The following POTEE variants were observed in gnomAD, a reference collection of about 807,000 sequenced individuals.
The protein encoded by POTEE is POTE ankyrin domain family member E, also known as ANKRD26-like family C member 1A.
Under a neutral mutation model 74.2 loss-of-function variants are expected in POTEE, and 21 were observed. That is an observed-to-expected ratio of 0.28 (90% CI 0.20 to 0.41). The LOEUF is 0.41. Among genes scored for constraint, POTEE ranks in the 10% least tolerant of loss-of-function variants. The pLI, the probability that POTEE is intolerant of heterozygous loss-of-function variation, is 1.00. For missense variants in POTEE, 525 were observed against 1,158.6 expected (o/e 0.45, Z 7.94); for synonymous variants, 211 against 432.8 (o/e 0.49, Z 6.36).
intron 9 of POTEE, among the ~76,000 whole-genome samples, chr2:131,235,346 G>C (rs1701094270): frequency 6.6e-6 from 1 of 152,116 alleles, no homozygotes; most frequent in African/African-American, 2.4e-5. Context: ...GGAGCAGACG[G>C]GACAGACATG....
At chr2:131,211,757 A>C in intron 2 of POTEE, among the ~76,000 whole-genome samples, 1 of 150,990 alleles carries the variant, frequency 6.6e-6, no homozygotes, top group East Asian at 2.0e-4. Context: ...GGGGTTTCAC[A>C]GTGTTGGCCA....
At chr2:131,232,742 T>G (rs891751074) in intron 9 of POTEE, among the ~76,000 whole-genome samples, 4 of 151,548 alleles carry the variant, frequency 2.6e-5, no homozygotes, top group South Asian at 2.1e-4. Context: ...GATCCCACTT[T>G]TCCCTCTTTC....
At chr2:131,217,761 C>CCGCACG (rs1270502578) in intron 3 of POTEE, among the ~76,000 whole-genome samples, 78 bp downstream of exon 3, 1,030 of 12,732 alleles carry the variant, frequency 0.081, 23 homozygotes, top group African/African-American at 0.11. Flanking sequence ...ACGCCGCACG[C>CCGCACG]CGCACGCGCA....
intron 13 of POTEE, among the ~76,000 whole-genome samples, chr2:131,248,412 G>C (rs541742599): frequency 2.0e-5 from 3 of 151,998 alleles, no homozygotes; most frequent in East Asian, 3.9e-4. Context: ...TTGCACACTA[G>C]TATTTAACCT....
chr2:131,210,131 A>C (rs867277505), intron 1 of POTEE, among the ~76,000 whole-genome samples: 5 of 140,156 alleles, frequency 3.6e-5, no homozygotes, highest in African/African-American at 1.4e-4. Context: ...GGTTATTTGG[A>C]GCTACAATGC....
At chr2:131,214,257 G>T (rs1466950879) in intron 2 of POTEE, among the ~76,000 whole-genome samples, 1 of 152,256 alleles carries the variant, frequency 6.6e-6, no homozygotes, top group Non-Finnish European at 1.5e-5. Flanking sequence ...GACCTTTTTG[G>T]TTTGGATGGG....
chr2:131,225,647 G>A (rs574041887), intron 6 of POTEE, among the ~76,000 whole-genome samples: 1 of 147,006 alleles, frequency 6.8e-6, no homozygotes, highest in Non-Finnish European at 1.5e-5. Flanking sequence ...GCTCACTGCA[G>A]CCTCGACCTC....
chr2:131,222,908 A>G (rs969293927), intron 4 of POTEE, among the ~76,000 whole-genome samples: 6 of 151,918 alleles, frequency 3.9e-5, no homozygotes, highest in Admixed American at 6.5e-5. Context: ...AACATATTCT[A>G]CTTCATGTAA....
At chr2:131,227,479 A>C (rs1395786632) in intron 7 of POTEE, among the ~76,000 whole-genome samples, 1 of 92,340 alleles carries the variant, frequency 1.1e-5, no homozygotes, top group Non-Finnish European at 2.0e-5. Context: ...TTGTTTTTCC[A>C]GTGTGTTTTG....
At chr2:131,245,891 G>A in intron 13 of POTEE, among the ~76,000 whole-genome samples, 1 of 43,400 alleles carries the variant, frequency 2.3e-5, no homozygotes, top group African/African-American at 5.9e-5. Context: ...ACAGAGTAGA[G>A]GCTGTAATAT....
intron 9 of POTEE, among the ~76,000 whole-genome samples, chr2:131,231,942 G>C (rs1484394169): frequency 6.6e-6 from 1 of 152,108 alleles, no homozygotes; most frequent in Non-Finnish European, 1.5e-5. Context: ...GACAAAGATG[G>C]AATAGATGTA....
intron 4 of POTEE, among the ~76,000 whole-genome samples, chr2:131,223,273 T>C (rs1036599138): frequency 1.3e-4 from 15 of 117,186 alleles, no homozygotes; most frequent in African/African-American, 4.0e-4. Flanking sequence ...AGCTACTATT[T>C]TCATTCCTAT....
chr2:131,264,878 T>G lies in POTEE; in HGVS notation c.*195T>G, dbSNP rs1189365903. The G allele has an allele frequency of 9.7e-7, 1 of 1,032,054 alleles. No individual in the cohort carries two copies. The highest frequency in any genetic ancestry group is 1.6e-5 in the African/African-American group (1 of 61,196). The allele number at this position is 1,032,054 out of a possible 1,614,324, so 63.9% of individuals were successfully genotyped here. Reference sequence around the variant, plus strand: ...GGTTGGAGGAAGCTTCCTCCAAAGTTCTACAATGTTGCCAAGGACTTTGAT... The same window carrying G: ...GGTTGGAGGAAGCTTCCTCCAAAGTGCTACAATGTTGCCAAGGACTTTGAT... On this transcript the variant is annotated 3_prime_UTR_variant, in exon 18 of 18. Transcript: ENST00000683005.
At chr2:131,248,943 C>CA (rs1334780236) in intron 13 of POTEE, among the ~76,000 whole-genome samples, 1 of 152,246 alleles carries the variant, frequency 6.6e-6, no homozygotes, top group Non-Finnish European at 1.5e-5. Flanking sequence ...CGCCTGCAGC[C>CA]AATCAGAATC....
rs930794027 is a variant in POTEE at position 131,229,773 on chromosome 2, T to A, written c.1056-1063T>A. On this transcript the variant is annotated intron_variant, in intron 8 of 17. Transcript: ENST00000683005. ...ACTAGCTCTGAGGAAATAGTGTGAA[T>A]CAAAGCAAAATGGGTGCCACCCAAA... 4 of 152,162 alleles carry A rather than the reference T, an allele frequency of 2.6e-5. 1 individual carries two copies. In the South Asian group the frequency reaches 8.3e-4, roughly 31 times the overall value. 9.4% of individuals were successfully genotyped at this position (152,162 alleles called of 1,614,324 possible).
intron 3 of POTEE, among the ~76,000 whole-genome samples, 184 bp downstream of exon 3, chr2:131,217,867 A>G (rs1204085491): frequency 6.0e-5 from 9 of 149,328 alleles, no homozygotes; most frequent in Non-Finnish European, 1.3e-4. Context: ...GCCGGCCTGT[A>G]ACGGCTTGCA....
intron 6 of POTEE, among the ~76,000 whole-genome samples, 161 bp from the exon 7 acceptor site, chr2:131,226,662 G>A (rs2105081907): frequency 6.6e-6 from 1 of 151,526 alleles, no homozygotes; most frequent in South Asian, 2.1e-4. Flanking sequence ...AAGGGAAGGA[G>A]CAGCGTGTGG....
chr2:131,231,381 C>T (rs1419686868), intron 9 of POTEE, among the ~76,000 whole-genome samples: 3 of 151,794 alleles, frequency 2.0e-5, no homozygotes, highest in African/African-American at 7.3e-5. Flanking sequence ...GGCTTGCCTG[C>T]TGCTCACCTC....
chr2:131,230,050 G>A lies in POTEE; in HGVS notation c.1056-786G>A, dbSNP rs1263163431. Among the ~76,000 whole-genome samples, 4 of 152,198 alleles carry A rather than the reference G, an allele frequency of 2.6e-5. No homozygotes were observed. In the East Asian group the frequency reaches 7.7e-4, roughly 29 times the overall value. On this transcript the variant is annotated intron_variant, in intron 8 of 17. Coordinates refer to ENST00000683005, the MANE Select transcript of POTEE (RefSeq NM_001083538.3). ...AGACATCTACTGGCTGAGAGTTTGA[G>A]TCTGTAGAGAAGGATCGTTGGTCCA...
Sources: allele counts gnomAD v4.1 joint callset (sites outside exome capture counted in the v4.1 genomes callset), GRCh38; gene constraint gnomAD v4.1.1; transcripts MANE v1.5; gene names NCBI Gene and HGNC (gene_info 2026-07-23, HGNC 2026-07-21).